The following PLXNA4 variants were observed in gnomAD, a reference collection of about 807,000 sequenced individuals.
PLXNA4 encodes the protein plexin A4.
A neutral mutation model predicts 191.8 loss-of-function variants in PLXNA4; 44 were observed. The observed-to-expected ratio is 0.23, with a 90% CI of 0.18 to 0.29. PLXNA4 has a LOEUF of 0.29. Ranked by LOEUF, PLXNA4 falls within the 10% of genes least tolerant of loss-of-function variation. The pLI, the probability that PLXNA4 is intolerant of heterozygous loss-of-function variation, is 1.00. For synonymous variants in PLXNA4, 1,082 were observed against 1,009.5 expected, an observed-to-expected ratio of 1.07 and a Z score of -1.36; for missense variants, 1,800 against 2,488.8, an observed-to-expected ratio of 0.72 and a Z score of 5.89.
chr7:132,146,078 T>TAA (rs1795422069), intron 28 of PLXNA4, among the ~76,000 whole-genome samples: 1 of 35,268 alleles, frequency 2.8e-5, no homozygotes, highest in Non-Finnish European at 5.0e-5. Flanking sequence ...AGACTCTGTC[T>TAA]CAAAAAAAAA....
intron 2 of PLXNA4, among the ~76,000 whole-genome samples, chr7:132,505,638 A>T (rs993671008): frequency 1.3e-5 from 2 of 152,152 alleles, no homozygotes; most frequent in Non-Finnish European, 2.9e-5. Flanking sequence ...CTCACTCCTA[A>T]GATGTGTGAC....
intron 3 of PLXNA4, among the ~76,000 whole-genome samples, chr7:132,424,448 TGA>T (rs1794964040): frequency 6.6e-6 from 1 of 152,198 alleles, no homozygotes; most frequent in Non-Finnish European, 1.5e-5. Flanking sequence ...CCAACCAGGC[TGA>T]TGTCGTCTTC....
intron 3 of PLXNA4, among the ~76,000 whole-genome samples, chr7:132,413,167 T>G (rs1424109997): frequency 1.3e-5 from 2 of 152,142 alleles, no homozygotes; most frequent in East Asian, 3.9e-4. Context: ...AACTGAGGCC[T>G]GGGCAAGTCC....
chr7:132,379,261 GT>G (rs1426238512), intron 3 of PLXNA4, among the ~76,000 whole-genome samples: 1 of 152,212 alleles, frequency 6.6e-6, no homozygotes, highest in East Asian at 1.9e-4. Context: ...GTGGGCAAGG[GT>G]GGCTGTGTAC....
chr7:132,364,628 A>G (rs1024433976), intron 3 of PLXNA4, among the ~76,000 whole-genome samples: 2 of 152,220 alleles, frequency 1.3e-5, no homozygotes, highest in African/African-American at 4.8e-5. Flanking sequence ...TGGACTGGAC[A>G]TTAGCAAAAC....
intron 2 of PLXNA4, among the ~76,000 whole-genome samples, chr7:132,590,765 C>T (rs1224496125): frequency 1.3e-5 from 2 of 152,168 alleles, no homozygotes; most frequent in African/African-American, 4.8e-5. Flanking sequence ...AACACCCTCA[C>T]AGACAAACCC....
intron 3 of PLXNA4, among the ~76,000 whole-genome samples, chr7:132,320,453 C>G (rs1418363602): frequency 1.3e-5 from 2 of 152,220 alleles, no homozygotes; most frequent in African/African-American, 4.8e-5. Flanking sequence ...TTCATCCTAA[C>G]TTGATTAGAT....
chr7:132,479,508 C>T (rs1265609656), intron 3 of PLXNA4, among the ~76,000 whole-genome samples: 2 of 152,198 alleles, frequency 1.3e-5, no homozygotes, highest in Non-Finnish European at 2.9e-5. Flanking sequence ...TAACACAGGG[C>T]AAGGGGAATA....
chr7:132,591,317 CT>C (rs1432684758), intron 2 of PLXNA4, among the ~76,000 whole-genome samples: 1 of 152,204 alleles, frequency 6.6e-6, no homozygotes, highest in Non-Finnish European at 1.5e-5. Flanking sequence ...CATCAAATCA[CT>C]CAAACAATCT....
intron 2 of PLXNA4, among the ~76,000 whole-genome samples, chr7:132,501,137 G>A (rs1054073682): frequency 6.6e-6 from 1 of 152,194 alleles, no homozygotes; most frequent in African/African-American, 2.4e-5. Context: ...ACTTGCTGCT[G>A]AGCAGAGTGT....
chr7:132,381,758 C>A (rs981065819), intron 3 of PLXNA4, among the ~76,000 whole-genome samples: 2 of 152,172 alleles, frequency 1.3e-5, no homozygotes, highest in African/African-American at 2.4e-5. Flanking sequence ...GATTCTGCAG[C>A]CTTTGCCCAG....
intron 1 of PLXNA4, among the ~76,000 whole-genome samples, chr7:132,518,284 A>G (rs548268710): frequency 3.5e-4 from 54 of 152,256 alleles, no homozygotes; most frequent in African/African-American, 1.3e-3. Flanking sequence ...AAAACCCATC[A>G]CTACCACTAG....
chr7:132,540,749 G>A lies in PLXNA4; in HGVS notation c.-86-31970C>T, dbSNP rs530211222. On this transcript the variant is annotated intron_variant, in intron 1 of 31. Transcript: ENST00000321063. ...ACTACAGGCGCCCGCCACCGCGCCC[G>A]GCTAATTTTTTGTATTTTTAGTAGA... is the stretch of plus-strand genomic sequence containing the variant. Among the ~76,000 whole-genome samples the A allele has an allele frequency of 2.7e-4, 40 of 150,904 alleles. 1 individual carries two copies. Among genetic ancestry groups the A allele is most frequent in the South Asian group, 2.3e-3 (11 of 4,690 alleles).
intron 9 of PLXNA4, among the ~76,000 whole-genome samples, chr7:132,220,529 A>G (rs961446190): frequency 6.6e-6 from 1 of 152,168 alleles, no homozygotes; most frequent in Non-Finnish European, 1.5e-5. Flanking sequence ...CAGGCTCACC[A>G]TACTATGGCT....
chr7:132,306,391 C>A (rs1252137695), intron 3 of PLXNA4, among the ~76,000 whole-genome samples: 1 of 152,190 alleles, frequency 6.6e-6, no homozygotes. Context: ...CTGAGTCTCT[C>A]TCCTGGCTCT....
intron 2 of PLXNA4, among the ~76,000 whole-genome samples, chr7:132,635,955 A>G (rs536010340): frequency 1.3e-5 from 2 of 152,326 alleles, no homozygotes; most frequent in East Asian, 3.9e-4. Flanking sequence ...CTCTTCCAGG[A>G]GGCTGGGGGA....
chr7:132,263,029 G>A lies in PLXNA4; in HGVS notation c.1504-21863C>T, dbSNP rs147031288. 9.9e-5 allele frequency among the ~76,000 whole-genome samples: 15 copies of A among 152,236 alleles called. No homozygotes were observed. In the East Asian group the frequency reaches 1.2e-3, roughly 12 times the overall value. On this transcript the variant is annotated intron_variant, in intron 4 of 31. Transcript: ENST00000321063. ...CTTCCTTTATGGCATGTGACCCCTCGTAAGCTTCCAGTGCTTTATGTTGTC... is the reference window on the plus strand; with the variant it reads ...CTTCCTTTATGGCATGTGACCCCTCATAAGCTTCCAGTGCTTTATGTTGTC...
chr7:132,479,715 T>A (rs986371398), intron 3 of PLXNA4, among the ~76,000 whole-genome samples: 1 of 152,180 alleles, frequency 6.6e-6, no homozygotes, highest in African/African-American at 2.4e-5. Flanking sequence ...AATGGCACGA[T>A]CTCGGCTCAC....
rs1329902877 is a variant in PLXNA4, at chr7:132,198,471, G to A, written c.2738+14C>T. On this transcript the variant is annotated intron_variant, in intron 13 of 31. Coordinates refer to ENST00000321063, the MANE Select transcript of PLXNA4 (RefSeq NM_020911.2). ...CTCCCCTGTTCCTCCTGTGTTGCAT[G>A]CAGCTTCACTTACTGTTCTGCAGGG... 1 of 1,612,446 alleles carries A rather than the reference G, an allele frequency of 6.2e-7. No individual in the cohort carries two copies. Among genetic ancestry groups the A allele is most frequent in the Admixed American group, 1.7e-5 (1 of 59,922 alleles).
Sources: allele counts gnomAD v4.1 joint callset (sites outside exome capture counted in the v4.1 genomes callset), GRCh38; gene constraint gnomAD v4.1.1; transcripts MANE v1.5; gene names NCBI Gene and HGNC (gene_info 2026-07-23, HGNC 2026-07-21).